The following OGDH variants were observed in gnomAD, a reference collection of about 807,000 sequenced individuals.
OGDH encodes the protein oxoglutarate dehydrogenase, also known as 2-oxoglutarate dehydrogenase complex component E1.
In OGDH, 38 loss-of-function variants were observed where a neutral mutation model predicts 116.6. The observed-to-expected ratio is 0.33, with a 90% CI of 0.25 to 0.43. OGDH has a LOEUF of 0.43. Ranked by LOEUF, OGDH falls within the 20% of genes least tolerant of loss-of-function variation. The probability of loss-of-function intolerance (pLI) is 1.00; values close to 1 mark genes in which losing one functional copy is unlikely to be tolerated. For synonymous variants in OGDH, 488 were observed against 533.3 expected (o/e 0.92, Z 1.17); for missense variants, 825 against 1,357.2 (o/e 0.61, Z 6.16).
chr7:44,653,624 C>G (rs1460768009), intron 4 of OGDH, among the ~76,000 whole-genome samples: 1 of 151,618 alleles, frequency 6.6e-6, no homozygotes, highest in African/African-American at 2.4e-5. Flanking sequence ...CTTCCAGATT[C>G]AACCAATTCT....
At chr7:44,656,488 G>C in intron 4 of OGDH, 1 of 814,392 alleles carries the variant, frequency 1.2e-6, no homozygotes, top group Non-Finnish European at 2.0e-6. Context: ...TTTTAAGTTT[G>C]TTAATTGTTC....
At chr7:44,610,712 C>T (rs957644720) in intron 1 of OGDH, among the ~76,000 whole-genome samples, 5 of 152,010 alleles carry the variant, frequency 3.3e-5, no homozygotes, top group African/African-American at 1.2e-4. Context: ...CTCCCCGGTT[C>T]AAGCCTTTCT....
intron 5 of OGDH, among the ~76,000 whole-genome samples, chr7:44,671,033 A>AGAAAAG (rs1208097280): frequency 6.6e-6 from 1 of 151,168 alleles, no homozygotes; most frequent in Non-Finnish European, 1.5e-5. Flanking sequence ...AAAAAAGAAA[A>AGAAAAG]GAAAAAAAAG....
At chr7:44,626,584 T>C (rs1785217527) in intron 2 of OGDH, among the ~76,000 whole-genome samples, 1 of 152,188 alleles carries the variant, frequency 6.6e-6, no homozygotes, top group Non-Finnish European at 1.5e-5. Flanking sequence ...TGAGACTGCA[T>C]GTCCTTGTGA....
At chr7:44,673,047 C>T (rs1050383499) in intron 5 of OGDH, among the ~76,000 whole-genome samples, 15 of 152,136 alleles carry the variant, frequency 9.9e-5, no homozygotes, top group African/African-American at 3.4e-4. Flanking sequence ...TGCTTCCTCA[C>T]CCAGCTGTGC....
At position 44,674,862 on chromosome 7, in the gene OGDH, G is replaced by A. The variant is rs959364556; in HGVS notation, c.935+305G>A. ...TTGTTGGGGTCTAACCTGGAGGGAA[G>A]GCTGCTTCCTGACATTGAAGGGGAG... is the stretch of plus-strand genomic sequence containing the variant. On this transcript the variant is annotated intron_variant, in intron 7 of 22. Transcript: ENST00000222673. The A allele has an allele frequency of 7.5e-6, 4 of 532,086 alleles. No individual in the cohort carries two copies. The African/African-American group carries it at 7.6e-5, about 10-fold the overall frequency. 33.0% of individuals were successfully genotyped at this position (532,086 alleles called of 1,614,324 possible). A position where few individuals can be genotyped will look rare whatever the true frequency, so the allele number is the denominator to read the frequency against.
chr7:44,670,036 A>G (rs998211365), intron 5 of OGDH, among the ~76,000 whole-genome samples: 103 of 152,178 alleles, frequency 6.8e-4, no homozygotes, highest in African/African-American at 2.5e-3. Flanking sequence ...AGAGGGAAAA[A>G]CAAAGAATCA....
chr7:44,607,862 C>T (rs1247146861), intron 1 of OGDH, among the ~76,000 whole-genome samples: 4 of 152,060 alleles, frequency 2.6e-5, no homozygotes, highest in Admixed American at 2.0e-4. Context: ...CCATCACGCC[C>T]GGCTAATTTT....
chr7:44,632,181 A>G lies in OGDH; in HGVS notation c.222+7616A>G, dbSNP rs1648233354. 3.3e-5 allele frequency among the ~76,000 whole-genome samples: 5 copies of G among 152,216 alleles called. No homozygotes were observed. In the South Asian group the frequency reaches 1.0e-3, roughly 31 times the overall value. On this transcript the variant is annotated intron_variant, in intron 2 of 22. Coordinates refer to ENST00000222673, the MANE Select transcript of OGDH (RefSeq NM_002541.4). ...GAGAGCAAGTTTGAGGATGTGGTGC[A>G]GGAGGAGTTGGGATCCCCAAGAGCA...
At chr7:44,666,367 T>C (rs1787186038) in intron 4 of OGDH, among the ~76,000 whole-genome samples, 1 of 152,238 alleles carries the variant, frequency 6.6e-6, no homozygotes, top group African/African-American at 2.4e-5. Context: ...GATTTTTGAT[T>C]GACTTACCCA....
intron 4 of OGDH, among the ~76,000 whole-genome samples, chr7:44,665,964 T>C (rs902962035): frequency 7.9e-5 from 12 of 152,350 alleles, no homozygotes; most frequent in African/African-American, 2.9e-4. Context: ...TGAGGTGTTG[T>C]CTTCCCCCAC....
At chr7:44,613,256 A>G (rs1784636594) in intron 1 of OGDH, among the ~76,000 whole-genome samples, 1 of 151,496 alleles carries the variant, frequency 6.6e-6, no homozygotes, top group Non-Finnish European at 1.5e-5. Context: ...GCTCACTGCA[A>G]CCTCTGCCTC....
chr7:44,649,439 G>A (rs1179914568), intron 4 of OGDH, among the ~76,000 whole-genome samples: 10 of 151,668 alleles, frequency 6.6e-5, no homozygotes, highest in African/African-American at 2.4e-5. Context: ...TAGTAGAAAC[G>A]GGGTTTCACC....
At chr7:44,627,711 T>A (rs1403972686) in intron 2 of OGDH, among the ~76,000 whole-genome samples, 1 of 152,182 alleles carries the variant, frequency 6.6e-6, no homozygotes, top group African/African-American at 2.4e-5. Flanking sequence ...GGAGTCTCAC[T>A]CTGTCACCCA....
rs187138190 is a variant in OGDH, at chr7:44,679,313, C to G, written c.1207-2407C>G. On this transcript the variant is annotated intron_variant, in intron 9 of 22. Transcript: ENST00000222673. ...ACTCAAAACCAATGGCTTTTACACT[C>G]AGGCAGCCTGGGCATCGTAGCAAAG... 2.4e-3 allele frequency among the ~76,000 whole-genome samples: 360 copies of G among 152,326 alleles called. 1 individual carries two copies. Among genetic ancestry groups the G allele is most frequent in the African/African-American group, 8.2e-3 (343 of 41,582 alleles).
At chr7:44,674,265 G>A (rs1787594271) in intron 6 of OGDH, 146 bp from the exon 7 acceptor site, 13 of 924,316 alleles carry the variant, frequency 1.4e-5, no homozygotes, top group South Asian at 3.2e-5. Flanking sequence ...GGCTGGTCTC[G>A]AACTCCTGAC....
chr7:44,621,051 C>A (rs1016373267), intron 1 of OGDH, among the ~76,000 whole-genome samples: 1 of 152,130 alleles, frequency 6.6e-6, no homozygotes, highest in Non-Finnish European at 1.5e-5. Flanking sequence ...AGTTTTCCTT[C>A]TTTTTGTATT....
chr7:44,670,385 T>A (rs1787378262), intron 5 of OGDH, among the ~76,000 whole-genome samples: 1 of 152,074 alleles, frequency 6.6e-6, no homozygotes. Context: ...GGGGTCGTGA[T>A]GATGAAGAAG....
chr7:44,630,883 A>C (rs185239362), intron 2 of OGDH, among the ~76,000 whole-genome samples: 15 of 152,286 alleles, frequency 9.8e-5, no homozygotes, highest in African/African-American at 3.6e-4. Flanking sequence ...ATCAGGCATT[A>C]GTTAGATTCT....
Sources: gnomAD v4.1 joint callset for allele counts (sites outside exome capture counted in the v4.1 genomes callset) on GRCh38, gnomAD v4.1.1 for gene constraint, MANE v1.5 for transcripts, NCBI Gene and HGNC (gene_info 2026-07-23, HGNC 2026-07-21) for gene names.